RBM19: variants seen among roughly 807,000 people sequenced by gnomAD.
The protein encoded by RBM19 is RNA binding motif protein 19, also known as probable RNA-binding protein 19.
RBM19 carries 94 observed loss-of-function variants against 116.8 expected under a neutral mutation model. The observed-to-expected ratio is 0.80, with a 90% CI of 0.68 to 0.95. The LOEUF (loss-of-function observed/expected upper bound fraction) is 0.95, where lower values mean the gene tolerates loss of function less well. Ranked by LOEUF, RBM19 falls within the 40% of genes least tolerant of loss-of-function variation. The probability of loss-of-function intolerance (pLI) is 0.00; values close to 1 mark genes in which losing one functional copy is unlikely to be tolerated. For missense variants in RBM19, 1,161 were observed against 1,220.7 expected (o/e 0.95, Z 0.73); for synonymous variants, 475 against 494.1 (o/e 0.96, Z 0.51).
intron 13 of RBM19, among the ~76,000 whole-genome samples, chr12:113,944,806 A>C (rs963449894): frequency 7.3e-5 from 11 of 151,422 alleles, no homozygotes; most frequent in African/African-American, 2.7e-4. Context: ...TCTCAAAAAA[A>C]AATTATATAT....
At chr12:113,840,434 G>A (rs572396771) in intron 23 of RBM19, among the ~76,000 whole-genome samples, 26 of 152,170 alleles carry the variant, frequency 1.7e-4, no homozygotes, top group Non-Finnish European at 2.9e-4. Context: ...TCCTGCCCCC[G>A]GGAAAACATA....
intron 21 of RBM19, among the ~76,000 whole-genome samples, chr12:113,913,712 A>G (rs768705130): frequency 2.0e-5 from 3 of 152,238 alleles, no homozygotes; most frequent in Non-Finnish European, 4.4e-5. Context: ...ATTACCTTGC[A>G]AGATGCTAAC....
chr12:113,948,794 G>A (rs1871244794), intron 10 of RBM19, 39 bp downstream of exon 10: 6 of 1,603,560 alleles, frequency 3.7e-6, no homozygotes, highest in Non-Finnish European at 5.1e-6. Flanking sequence ...GGCTCCCATA[G>A]CCGCTGGGCT....
chr12:113,947,187 G>A, intron 11 of RBM19, 147 bp downstream of exon 11: 3 of 1,047,590 alleles, frequency 2.9e-6, no homozygotes, highest in Non-Finnish European at 4.0e-6. Context: ...TGGCTTGAGT[G>A]AGGCAGTGAC....
chr12:113,914,477 C>G (rs79902365), intron 21 of RBM19, among the ~76,000 whole-genome samples: 1 of 152,334 alleles, frequency 6.6e-6, no homozygotes, highest in African/African-American at 2.4e-5. Flanking sequence ...AGCAAAACAC[C>G]GATGTCTAGA....
At chr12:113,817,219 G>A (rs1249613556), downstream of RBM19, 1 of 152,280 alleles carries the variant, frequency 6.6e-6, no homozygotes, top group Non-Finnish European at 1.5e-5. Flanking sequence ...CCTGATGCAT[G>A]GGGCTTAAAG....
intron 23 of RBM19, among the ~76,000 whole-genome samples, chr12:113,842,320 C>G (rs1038355809): frequency 6.6e-6 from 1 of 152,234 alleles, no homozygotes; most frequent in African/African-American, 2.4e-5. Context: ...CAGATGGGCC[C>G]CCGTCTCCAC....
At chr12:113,907,436 G>A (rs1882138014) in intron 21 of RBM19, among the ~76,000 whole-genome samples, 2 of 152,170 alleles carry the variant, frequency 1.3e-5, no homozygotes, top group South Asian at 4.1e-4. Flanking sequence ...CTCCCGTGGT[G>A]CAGAGGAGAC....
At chr12:113,884,691 G>A (rs989071286) in intron 21 of RBM19, among the ~76,000 whole-genome samples, 20 of 152,092 alleles carry the variant, frequency 1.3e-4, no homozygotes, top group Non-Finnish European at 4.4e-5. Context: ...CTGATTCCAG[G>A]TTGGCACTGA....
intron 21 of RBM19, among the ~76,000 whole-genome samples, chr12:113,894,831 G>A (rs1437847254): frequency 1.3e-5 from 2 of 152,232 alleles, no homozygotes; most frequent in African/African-American, 4.8e-5. Flanking sequence ...AGACAGTCAA[G>A]TGGGACACAC....
At chr12:113,949,889 T>G (rs1163614511) in intron 9 of RBM19, among the ~76,000 whole-genome samples, 194 bp downstream of exon 9, 1 of 152,182 alleles carries the variant, frequency 6.6e-6, no homozygotes, top group East Asian at 1.9e-4. Flanking sequence ...GTCAGTTTAC[T>G]CTCTGTCAGC....
At chr12:113,867,560 TA>T (rs1467900329) in intron 21 of RBM19, among the ~76,000 whole-genome samples, 1 of 152,188 alleles carries the variant, frequency 6.6e-6, no homozygotes, top group African/African-American at 2.4e-5. Flanking sequence ...ATGTACAGTT[TA>T]AAACTGATAA....
At chr12:113,932,974 T>C (rs1188133889) in intron 16 of RBM19, among the ~76,000 whole-genome samples, 2 of 152,076 alleles carry the variant, frequency 1.3e-5, no homozygotes, top group Non-Finnish European at 2.9e-5. Flanking sequence ...CCACAGAATT[T>C]ACTGCGGCCT....
intron 17 of RBM19, among the ~76,000 whole-genome samples, chr12:113,926,111 G>C (rs1869042935): frequency 6.6e-6 from 1 of 152,116 alleles, no homozygotes; most frequent in Non-Finnish European, 1.5e-5. Flanking sequence ...TCACATCACA[G>C]AGGCTGAGCC....
chr12:113,877,176 C>A (rs1260337762), intron 21 of RBM19, among the ~76,000 whole-genome samples: 1 of 152,230 alleles, frequency 6.6e-6, no homozygotes, highest in South Asian at 2.1e-4. Context: ...TTACTTGAAA[C>A]AAGGTTTCCG....
intron 21 of RBM19, among the ~76,000 whole-genome samples, chr12:113,869,332 A>G (rs1036864145): frequency 1.3e-5 from 2 of 152,186 alleles, no homozygotes; most frequent in African/African-American, 4.8e-5. Context: ...CCAAGGAGGC[A>G]TCTCTCAGCC....
At chr12:113,944,813 A>C (rs1870879358) in intron 13 of RBM19, among the ~76,000 whole-genome samples, 1 of 151,430 alleles carries the variant, frequency 6.6e-6, no homozygotes, top group Non-Finnish European at 1.5e-5. Flanking sequence ...AAAAAATTAT[A>C]TATACATGTG....
chr12:113,823,517 T>A (rs1593445051), intron 23 of RBM19, among the ~76,000 whole-genome samples, 196 bp from the exon 24 acceptor site: 1 of 145,700 alleles, frequency 6.9e-6, no homozygotes, highest in South Asian at 2.2e-4. Context: ...CAGAGGGAGG[T>A]GGAGAGAGGA....
intron 21 of RBM19, among the ~76,000 whole-genome samples, chr12:113,868,736 A>G (rs1446202061): frequency 6.6e-6 from 1 of 152,240 alleles, no homozygotes; most frequent in African/African-American, 2.4e-5. Flanking sequence ...AGGGCCGAAC[A>G]TACACATTAA....
Sources: gnomAD v4.1 joint callset for allele counts (sites outside exome capture counted in the v4.1 genomes callset) on GRCh38, gnomAD v4.1.1 for gene constraint, MANE v1.5 for transcripts, NCBI Gene and HGNC (gene_info 2026-07-23, HGNC 2026-07-21) for gene names.